LRFN5: variants seen among roughly 807,000 people sequenced by gnomAD.
LRFN5 encodes the protein leucine rich repeat and fibronectin type III domain containing 5.
In LRFN5, 24 loss-of-function variants were observed where a neutral mutation model predicts 45.6. The observed-to-expected ratio is 0.53, with a 90% CI of 0.38 to 0.74. The LOEUF (loss-of-function observed/expected upper bound fraction) is 0.74, where lower values mean the gene tolerates loss of function less well. LRFN5 is among the 30% of genes least tolerant of loss of function. The pLI is 0.00. For missense variants in LRFN5, 776 were observed against 861.5 expected, an observed-to-expected ratio of 0.90 and a Z score of 1.24; for synonymous variants, 340 against 313.8, an observed-to-expected ratio of 1.08 and a Z score of -0.88.
At chr14:41,608,605 A>T (rs1887600942) in intron 1 of LRFN5, 43 bp downstream of exon 1, 1 of 152,550 alleles carries the variant, frequency 6.6e-6, no homozygotes, top group Admixed American at 6.5e-5. Context: ...TTTCCTTTTG[A>T]TCTTGTTTCT....
intron 2 of LRFN5, among the ~76,000 whole-genome samples, chr14:41,878,132 A>C (rs1443295462): frequency 6.6e-6 from 1 of 152,172 alleles, no homozygotes; most frequent in Non-Finnish European, 1.5e-5. Flanking sequence ...GAAAACCTAA[A>C]ATATTTGAAA....
intron 2 of LRFN5, among the ~76,000 whole-genome samples, chr14:41,842,378 T>C (rs1430355518): frequency 3.3e-5 from 5 of 152,126 alleles, no homozygotes; most frequent in Non-Finnish European, 5.9e-5. Flanking sequence ...TATCAACAAA[T>C]AGTTATGTCA....
At position 41,644,999 on chromosome 14, in the gene LRFN5, A is replaced by G. The variant is rs544193203; in HGVS notation, c.-197+36437A>G. On this transcript the variant is annotated intron_variant, in intron 1 of 5. Coordinates refer to ENST00000298119, the MANE Select transcript of LRFN5 (RefSeq NM_152447.5). ...ACAACCACAGTAAGGTAACTAAAGC[A>G]TAATGGTTGAGAGCTTTTGGTATGG... 3.5e-4 allele frequency among the ~76,000 whole-genome samples: 54 copies of G among 152,344 alleles called. 2 individuals carry two copies. In the South Asian group the frequency reaches 0.011, roughly 30 times the overall value.
chr14:41,760,618 G>T (rs1885619887), intron 1 of LRFN5, among the ~76,000 whole-genome samples: 1 of 152,080 alleles, frequency 6.6e-6, no homozygotes, highest in Non-Finnish European at 1.5e-5. Context: ...AAAATGTGCA[G>T]TATTATGGTT....
intron 1 of LRFN5, among the ~76,000 whole-genome samples, chr14:41,619,797 C>T (rs1594554713): frequency 2.0e-5 from 3 of 151,906 alleles, no homozygotes; most frequent in African/African-American, 7.2e-5. Context: ...ATTTTCTTGG[C>T]ATATTTCTCA....
At chr14:41,797,333 T>C (rs191529768) in intron 2 of LRFN5, among the ~76,000 whole-genome samples, 187 of 151,892 alleles carry the variant, frequency 1.2e-3, no homozygotes, top group African/African-American at 4.3e-3. Flanking sequence ...TTAGACAGTT[T>C]TCCTAATGCC....
rs1890826462 is a variant in LRFN5 at position 41,892,721 on chromosome 14, G to A, written c.2098+759G>A. 5 of 985,266 alleles carry A rather than the reference G, an allele frequency of 5.1e-6. No homozygotes were observed. The African/African-American group carries it at 5.2e-5, about 10-fold the overall frequency. The allele number at this position is 985,266 out of a possible 1,614,324, so 61.0% of individuals were successfully genotyped here. On this transcript the variant is annotated intron_variant, in intron 4 of 5. Coordinates refer to ENST00000298119, the MANE Select transcript of LRFN5 (RefSeq NM_152447.5). ...ACATCCTTGGTGCAGGTGCCTTAAT[G>A]GTTGTAAGATATTTCTCCTCTATGA...
chr14:41,759,304 A>C (rs1286075355), intron 1 of LRFN5, among the ~76,000 whole-genome samples: 1 of 152,066 alleles, frequency 6.6e-6, no homozygotes, highest in Non-Finnish European at 1.5e-5. Flanking sequence ...GTTTATTTCA[A>C]AATCTCTCTT....
At chr14:41,701,367 A>G (rs1882834605) in intron 1 of LRFN5, 2 of 152,168 alleles carry the variant, frequency 1.3e-5, no homozygotes, top group Non-Finnish European at 2.9e-5. Context: ...ATGGGGACCT[A>G]AGCTTGTATT....
intron 1 of LRFN5, among the ~76,000 whole-genome samples, chr14:41,721,025 A>T (rs1271439274): frequency 6.6e-6 from 1 of 152,046 alleles, no homozygotes; most frequent in Non-Finnish European, 1.5e-5. Context: ...AAGTCTTTTC[A>T]TAGGTCTAGA....
chr14:41,726,810 G>C lies in LRFN5; in HGVS notation c.-196-40044G>C, dbSNP rs139088580. 1.8e-3 allele frequency among the ~76,000 whole-genome samples: 281 copies of C among 152,174 alleles called. 3 individuals carry two copies. Among genetic ancestry groups the C allele is most frequent in the African/African-American group, 6.6e-3 (274 of 41,528 alleles). On this transcript the variant is annotated intron_variant, in intron 1 of 5. Transcript: ENST00000298119. The stretch of plus-strand genomic sequence containing the variant: ...ATGGGTAATATTTTAATAGATCATT[G>C]ATAGATATTTAGTAAAAACACTAAA...
At chr14:41,819,145 C>T (rs1055826382) in intron 2 of LRFN5, among the ~76,000 whole-genome samples, 5 of 152,082 alleles carry the variant, frequency 3.3e-5, no homozygotes, top group African/African-American at 1.2e-4. Context: ...CATTGGTGGA[C>T]ACTTAGTTTG....
rs376620405 is a variant in LRFN5, at chr14:41,793,479, T to A, written c.-21+26450T>A. 1.2e-4 allele frequency among the ~76,000 whole-genome samples: 18 copies of A among 152,210 alleles called. No homozygotes were observed. The East Asian group carries it at 2.7e-3, about 23-fold the overall frequency. ...TTTACTAGAAAACTTTTTAAATATA[T>A]TTTCTCACCTCATGGTGTAATCTTT... On this transcript the variant is annotated intron_variant, in intron 2 of 5. Transcript: ENST00000298119.
chr14:41,883,034 A>T (rs1195650175), intron 2 of LRFN5, among the ~76,000 whole-genome samples: 1 of 151,636 alleles, frequency 6.6e-6, no homozygotes, highest in Non-Finnish European at 1.5e-5. Flanking sequence ...TTTTTAGTAG[A>T]GACGGGGTTT....
intron 2 of LRFN5, among the ~76,000 whole-genome samples, chr14:41,770,173 A>C (rs1176678405): frequency 6.6e-6 from 1 of 152,184 alleles, no homozygotes; most frequent in Non-Finnish European, 1.5e-5. Flanking sequence ...GGAGCCATTC[A>C]TGAGGTATCT....
chr14:41,693,959 T>G (rs918909089), intron 1 of LRFN5, among the ~76,000 whole-genome samples: 5 of 152,032 alleles, frequency 3.3e-5, no homozygotes, highest in African/African-American at 1.2e-4. Context: ...TAGTAGTTGC[T>G]GAGAGATTCT....
intron 2 of LRFN5, among the ~76,000 whole-genome samples, chr14:41,865,552 C>T (rs890665454): frequency 6.6e-6 from 1 of 151,974 alleles, no homozygotes; most frequent in Non-Finnish European, 1.5e-5. Context: ...GTTTTTTTGT[C>T]ACCATATTTT....
intron 1 of LRFN5, among the ~76,000 whole-genome samples, chr14:41,698,949 A>G (rs189861900): frequency 6.5e-4 from 99 of 152,182 alleles, no homozygotes; most frequent in African/African-American, 2.1e-3. Context: ...CAGAAAATTT[A>G]ATTATATCAG....
intron 1 of LRFN5, among the ~76,000 whole-genome samples, chr14:41,670,284 TATATATATATATATATATATAC>T (rs1222502555): frequency 0.12 from 10,403 of 84,514 alleles, 752 homozygotes; most frequent in East Asian, 0.21. Flanking sequence ...TATATATATA[TATATATATATATATATATATAC>T]ACACACACAG....
Sources: gnomAD v4.1 joint callset for allele counts (sites outside exome capture counted in the v4.1 genomes callset) on GRCh38, gnomAD v4.1.1 for gene constraint, MANE v1.5 for transcripts, NCBI Gene and HGNC (gene_info 2026-07-23, HGNC 2026-07-21) for gene names.